PLEKHD1: variants seen among roughly 807,000 people sequenced by gnomAD.
PLEKHD1 encodes the protein pleckstrin homology and coiled-coil domain containing D1.
A neutral mutation model predicts 69.2 loss-of-function variants in PLEKHD1; 51 were observed. That is an observed-to-expected ratio of 0.74 (90% CI 0.59 to 0.93). The LOEUF (loss-of-function observed/expected upper bound fraction) is 0.93. PLEKHD1 is among the 40% of genes least tolerant of loss of function. The probability of loss-of-function intolerance (pLI) is 0.00; values close to 1 mark genes in which losing one functional copy is unlikely to be tolerated. For synonymous variants in PLEKHD1, 236 were observed against 244.7 expected (o/e 0.96, Z 0.33); for missense variants, 584 against 641.0 (o/e 0.91, Z 0.96).
In PLEKHD1 at chr14:69,486,752, C is replaced by T. The variant is rs866993058; in HGVS notation, c.149+1638C>T. ...GCTTGTGACCCCCAGGGTATGTCCC[C>T]TGGTCCTCCCCTTCACCACTGCAGG... On this transcript the variant is annotated intron_variant, in intron 1 of 12. Transcript: ENST00000322564. 1.5e-4 allele frequency among the ~76,000 whole-genome samples: 23 copies of T among 152,322 alleles called. No homozygotes were observed. In the Middle Eastern group the frequency reaches 0.01, roughly 68 times the overall value.
intron 1 of PLEKHD1, among the ~76,000 whole-genome samples, chr14:69,486,039 C>T (rs545224771): frequency 2.0e-5 from 3 of 152,342 alleles, no homozygotes; most frequent in Admixed American, 1.3e-4. Context: ...TTCCACTCTC[C>T]AGTCAATTTC....
At chr14:69,501,017 C>A in intron 4 of PLEKHD1, 70 bp downstream of exon 4, 1 of 1,456,014 alleles carries the variant, frequency 6.9e-7, no homozygotes, top group South Asian at 1.2e-5. Context: ...CCCTGAACTC[C>A]CTGCCTCTCT....
At chr14:69,502,780 C>T in intron 5 of PLEKHD1, 47 bp from the exon 6 acceptor site, 8 of 1,550,442 alleles carry the variant, frequency 5.2e-6, no homozygotes, top group Non-Finnish European at 7.0e-6. Flanking sequence ...CCTCAGAGCA[C>T]TTTCCTGATT....
At chr14:69,469,316 T>C in the PLEKHD1 span, among the ~76,000 whole-genome samples, 4 of 152,240 alleles carry the variant, frequency 2.6e-5, no homozygotes, top group Non-Finnish European at 1.5e-5. Context: ...GTCCTGACTA[T>C]GAATAAGGTC....
intron 3 of PLEKHD1, 22 bp from the exon 4 acceptor site, chr14:69,500,849 G>T: frequency 1.3e-6 from 2 of 1,551,316 alleles, no homozygotes; most frequent in South Asian, 1.2e-5. Context: ...TCAGGCATGC[G>T]CATGGCTCCT....
chr14:69,502,966 C>T (rs1883064035), intron 6 of PLEKHD1, 87 bp downstream of exon 6: 1 of 1,478,000 alleles, frequency 6.8e-7, no homozygotes. Context: ...GAGCTGGGTG[C>T]ACAGAGGACT....
intron 1 of PLEKHD1, among the ~76,000 whole-genome samples, chr14:69,488,180 TG>T (rs899191120): frequency 1.3e-5 from 2 of 152,198 alleles, no homozygotes; most frequent in African/African-American, 2.4e-5. Context: ...ATGGAGACAG[TG>T]GCCATGTGTC....
chr14:69,492,570 A>G (rs1265854486), intron 1 of PLEKHD1, among the ~76,000 whole-genome samples: 1 of 152,178 alleles, frequency 6.6e-6, no homozygotes, highest in Non-Finnish European at 1.5e-5. Context: ...GTTGCGGTGT[A>G]TCCTCTTGAT....
rs1244349962 is a variant in PLEKHD1, at chr14:69,500,624, T to C, written c.291T>C (p.Pro97=). ...GGCLVEPKEE[P]SMPYAMKISH... is the part of the protein sequence containing the mutation. ...GCCTGGTGGAGCCCAAGGAAGAGCC[T>C]AGCATGCCCTATGCCATGAAGATCT... The change falls in exon 3 of 13, where the codon CCT becomes CCC. Residue 97 remains proline, a synonymous_variant. Coordinates refer to ENST00000322564, the MANE Select transcript of PLEKHD1 (RefSeq NM_001161498.2). 6.4e-7 allele frequency: 1 copy of C among 1,551,250 alleles called. No homozygotes were observed. The highest frequency in any genetic ancestry group is 8.7e-7 in the Non-Finnish European group (1 of 1,146,848).
intron 6 of PLEKHD1, among the ~76,000 whole-genome samples, chr14:69,505,877 C>T (rs1055305639): frequency 6.6e-6 from 1 of 152,188 alleles, no homozygotes; most frequent in East Asian, 1.9e-4. Context: ...GGTTCCTGGT[C>T]TTTGGCTCCC....
chr14:69,522,448 T>C, intron 7 of PLEKHD1, 71 bp downstream of exon 7: 2 of 1,472,582 alleles, frequency 1.4e-6, no homozygotes, highest in Non-Finnish European at 1.9e-6. Context: ...CCCCGTCAGA[T>C]CTGAGGAGGC....
intron 6 of PLEKHD1, among the ~76,000 whole-genome samples, chr14:69,511,049 T>A (rs537239186): frequency 4.6e-5 from 7 of 152,330 alleles, no homozygotes; most frequent in African/African-American, 1.7e-4. Flanking sequence ...TTATATTAAT[T>A]GATTTTCAAA....
intron 1 of PLEKHD1, among the ~76,000 whole-genome samples, chr14:69,498,048 TTTTATTTTA>T (rs1199958415): frequency 8.7e-5 from 11 of 126,996 alleles, no homozygotes; most frequent in East Asian, 2.1e-4. Flanking sequence ...TTTTATTTTA[TTTTATTTTA>T]TTTATTTTAT....
chr14:69,499,698 C>T (rs908935920), intron 1 of PLEKHD1, among the ~76,000 whole-genome samples: 1 of 152,202 alleles, frequency 6.6e-6, no homozygotes. Flanking sequence ...ATGTTACTTG[C>T]CAAAGACCCA....
intron 1 of PLEKHD1, among the ~76,000 whole-genome samples, chr14:69,486,934 C>G (rs1247397405): frequency 6.6e-6 from 1 of 152,210 alleles, no homozygotes; most frequent in East Asian, 1.9e-4. Context: ...TCTTCTCCTC[C>G]ATCCACTACC....
chr14:69,527,280 G>A lies in PLEKHD1; in HGVS notation c.1149G>A (p.Val383=), dbSNP rs1249637372. The A allele has an allele frequency of 6.4e-7, 1 of 1,551,836 alleles. No individual in the cohort carries two copies. The highest frequency in any genetic ancestry group is 2.0e-5 in the Admixed American group (1 of 51,010). Residue 383 remains valine, a synonymous_variant, in exon 11 of 13, where the codon GTG becomes GTA. Coordinates refer to ENST00000322564, the MANE Select transcript of PLEKHD1 (RefSeq NM_001161498.2). ...TGGAACAGGGGCTGAATTCCAAGGTGCGGAATAAGGAGAAGGAGGAGAGGA... is the reference window on the plus strand; with the variant it reads ...TGGAACAGGGGCTGAATTCCAAGGTACGGAATAAGGAGAAGGAGGAGAGGA... The part of the protein sequence containing the change: ...RSLEQGLNSK[V]RNKEKEERMR...
In PLEKHD1 at chr14:69,527,903, G is replaced by T. The variant is rs761819012; in HGVS notation, c.1322G>T (p.Arg441Leu). The change falls in exon 12 of 13, where the codon CGA becomes CTA. Residue 441 changes from arginine to leucine, a missense_variant. Arg to Leu is a moderately radical substitution (Grantham distance 102). Coordinates refer to ENST00000322564, the MANE Select transcript of PLEKHD1 (RefSeq NM_001161498.2). Reference sequence around the variant, plus strand: ...CGCATCAAGAGCTGCCGCTTCCACCGACGCCGGTCCAGCACCTCCTGGAAT... The same window carrying T: ...CGCATCAAGAGCTGCCGCTTCCACCTACGCCGGTCCAGCACCTCCTGGAAT... The part of the protein sequence containing the change: ...TRRIKSCRFH[R>L]RRSSTSWNDM... 6.4e-7 allele frequency: 1 copy of T among 1,551,432 alleles called. No homozygotes were observed. Among genetic ancestry groups the T allele is most frequent in the African/African-American group, 1.4e-5 (1 of 73,044 alleles).
At chr14:69,511,461 T>G (rs1402408979) in intron 6 of PLEKHD1, among the ~76,000 whole-genome samples, 2 of 151,272 alleles carry the variant, frequency 1.3e-5, no homozygotes, top group Admixed American at 6.6e-5. Context: ...CACAGACCAT[T>G]GTTGGATTTG....
Position 69,525,947 on chromosome 14 carries a change from C to A in PLEKHD1, c.748C>A (p.Leu250Ile). The change falls in exon 9 of 13, where the codon CTC (leucine) becomes ATC (isoleucine). Residue 250 changes from leucine (L) to isoleucine (I), a missense_variant. Coordinates refer to ENST00000322564, the MANE Select transcript of PLEKHD1 (RefSeq NM_001161498.2). ...TESLQQTLEELSIEKKKTLEM... is the reference protein window; with the variant it reads ...TESLQQTLEEISIEKKKTLEM... Reference sequence around the variant, plus strand: ...TCCTTGCCTCCCTCCATGCCAGGAACTCTCCATAGAGAAGAAGAAAACCCT... The same window carrying A: ...TCCTTGCCTCCCTCCATGCCAGGAAATCTCCATAGAGAAGAAGAAAACCCT... The A allele has an allele frequency of 6.5e-7, 1 of 1,548,778 alleles. No individual in the cohort carries two copies. The highest frequency in any genetic ancestry group is 8.7e-7 in the Non-Finnish European group (1 of 1,146,144).
Sources: allele counts gnomAD v4.1 joint callset (sites outside exome capture counted in the v4.1 genomes callset), GRCh38; gene constraint gnomAD v4.1.1; transcripts MANE v1.5; gene names NCBI Gene and HGNC (gene_info 2026-07-23, HGNC 2026-07-21).